The following ELMOD1 variants were observed in gnomAD, a reference collection of about 807,000 sequenced individuals.
ELMOD1 encodes the protein ELMO domain containing 1.
ELMOD1 carries 21 observed loss-of-function variants against 46.7 expected under a neutral mutation model. The observed-to-expected ratio is 0.45, with a 90% confidence interval of 0.32 to 0.65. The LOEUF (loss-of-function observed/expected upper bound fraction) is 0.65. Among genes scored for constraint, ELMOD1 ranks in the 30% least tolerant of loss-of-function variants. ELMOD1 has a pLI of 0.04. For missense variants in ELMOD1, 348 were observed against 407.8 expected, an observed-to-expected ratio of 0.85 and a Z score of 1.26; for synonymous variants, 122 against 138.2, an observed-to-expected ratio of 0.88 and a Z score of 0.82.
chr11:107,638,327 G>A (rs1456459464), intron 6 of ELMOD1, among the ~76,000 whole-genome samples: 1 of 152,202 alleles, frequency 6.6e-6, no homozygotes, highest in East Asian at 1.9e-4. Flanking sequence ...TTTAGTATGT[G>A]CCAATTGTTA....
rs551200149 is a variant in ELMOD1 at position 107,627,466 on chromosome 11, GT to G, written c.18-2943del. On this transcript the variant is annotated intron_variant, in intron 2 of 11. Transcript: ENST00000265840. ...TGACAGTATGAGCATCATCAAGGAAGTTTTTTTTAAAAGATAAAAGCAAATA... is the reference window on the plus strand; with the variant it reads ...TGACAGTATGAGCATCATCAAGGAAGTTTTTTTAAAAGATAAAAGCAAATA... Among the ~76,000 whole-genome samples the G allele has an allele frequency of 1.6e-3, 237 of 152,094 alleles. 1 individual carries two copies. Among genetic ancestry groups the G allele is most frequent in the African/African-American group, 5.4e-3 (225 of 41,520 alleles).
chr11:107,644,773 C>T (rs190564816), intron 6 of ELMOD1, among the ~76,000 whole-genome samples: 1 of 152,236 alleles, frequency 6.6e-6, no homozygotes, highest in Admixed American at 6.5e-5. Flanking sequence ...CGCACCCAGC[C>T]AAAACAATAT....
intron 1 of ELMOD1, chr11:107,592,785 T>C (rs611085): frequency 0.12 from 19,234 of 161,322 alleles, 1,448 homozygotes; most frequent in African/African-American, 0.22. Flanking sequence ...CTGGAACAGG[T>C]TGTAGGGCGT....
chr11:107,640,207 A>G (rs1288752951), intron 6 of ELMOD1, among the ~76,000 whole-genome samples: 1 of 152,162 alleles, frequency 6.6e-6, no homozygotes, highest in Non-Finnish European at 1.5e-5. Context: ...AGATAATTGT[A>G]CTTCATATAA....
intron 1 of ELMOD1, among the ~76,000 whole-genome samples, chr11:107,596,823 A>G (rs1318529819): frequency 1.3e-5 from 2 of 152,148 alleles, no homozygotes; most frequent in South Asian, 2.1e-4. Flanking sequence ...TTACTTCACT[A>G]AAGAGTTTTA....
chr11:107,615,227 A>ATTTT (rs1361963532), intron 1 of ELMOD1, among the ~76,000 whole-genome samples: 1 of 113,694 alleles, frequency 8.8e-6, no homozygotes, highest in South Asian at 3.0e-4. Flanking sequence ...TGTTGTCAGC[A>ATTTT]TCTTTTTTTT....
At chr11:107,656,504 A>G (rs1393385790) in intron 11 of ELMOD1, among the ~76,000 whole-genome samples, 1 of 150,506 alleles carries the variant, frequency 6.6e-6, no homozygotes, top group Non-Finnish European at 1.5e-5. Flanking sequence ...AGAGAAAGAG[A>G]AAGAGAGAGA....
At chr11:107,617,136 A>G (rs1490821345) in intron 1 of ELMOD1, among the ~76,000 whole-genome samples, 1 of 152,214 alleles carries the variant, frequency 6.6e-6, no homozygotes, top group African/African-American at 2.4e-5. Flanking sequence ...CCCAAAAGCA[A>G]CCACAGTCTT....
intron 6 of ELMOD1, among the ~76,000 whole-genome samples, chr11:107,639,560 G>C (rs1866284212): frequency 6.6e-6 from 1 of 152,144 alleles, no homozygotes; most frequent in Non-Finnish European, 1.5e-5. Context: ...CTCCTTGAAT[G>C]CTCTGGCTCG....
chr11:107,592,637 C>G (rs1865423305), intron 1 of ELMOD1: 1 of 296,658 alleles, frequency 3.4e-6, no homozygotes, highest in Non-Finnish European at 6.8e-6. Flanking sequence ...GCCAAAGGCA[C>G]ACTCTTGTAT....
intron 6 of ELMOD1, among the ~76,000 whole-genome samples, chr11:107,640,858 A>G (rs1465981188): frequency 6.6e-6 from 1 of 152,216 alleles, no homozygotes; most frequent in Non-Finnish European, 1.5e-5. Flanking sequence ...AACAAAGTCC[A>G]GCAAATGTAT....
At chr11:107,649,081 T>C (rs1866481495) in intron 7 of ELMOD1, among the ~76,000 whole-genome samples, 1 of 152,134 alleles carries the variant, frequency 6.6e-6, no homozygotes, top group African/African-American at 2.4e-5. Flanking sequence ...CATTCTTTTA[T>C]GAAACATTTT....
intron 1 of ELMOD1, among the ~76,000 whole-genome samples, chr11:107,605,345 G>A (rs922269798): frequency 3.3e-5 from 5 of 151,980 alleles, no homozygotes; most frequent in Non-Finnish European, 4.4e-5. Context: ...GACTACAGGC[G>A]CATGCCACCA....
In ELMOD1 at chr11:107,606,266, T is replaced by C. The variant is rs77056570; in HGVS notation, c.-85-11839T>C. ...ATTCAAACCTAAGTGAATCTGATAC[T>C]TGGCCCATCTGATTTCAGAAGACTG... is the stretch of plus-strand genomic sequence containing the variant. On this transcript the variant is annotated intron_variant, in intron 1 of 11. Coordinates refer to ENST00000265840, the MANE Select transcript of ELMOD1 (RefSeq NM_018712.4). Among the ~76,000 whole-genome samples the C allele has an allele frequency of 8.5e-3, 1,293 of 152,336 alleles. 6 individuals are homozygous for C. Among genetic ancestry groups the C allele is most frequent in the Non-Finnish European group, 0.014 (949 of 68,038 alleles).
chr11:107,642,557 G>C (rs917008716), intron 6 of ELMOD1, among the ~76,000 whole-genome samples: 2 of 152,004 alleles, frequency 1.3e-5, no homozygotes, highest in African/African-American at 2.4e-5. Flanking sequence ...TTTTAGTAGA[G>C]ACGGGGTTTC....
At chr11:107,610,998 C>CAAAAAAAAAAA (rs58417281) in intron 1 of ELMOD1, among the ~76,000 whole-genome samples, 24 of 95,728 alleles carry the variant, frequency 2.5e-4, no homozygotes, top group South Asian at 3.7e-4. Context: ...TGTAAGAATC[C>CAAAAAAAAAAA]AAAAAAAAAA....
intron 1 of ELMOD1, among the ~76,000 whole-genome samples, chr11:107,609,465 T>C (rs186486126): frequency 2.0e-4 from 30 of 152,302 alleles, no homozygotes; most frequent in African/African-American, 6.7e-4. Context: ...CATCTAGGGA[T>C]TTCAAGATTT....
At position 107,665,353 on chromosome 11, in the gene ELMOD1, C is replaced by G; in HGVS notation, c.*156C>G. 1.4e-6 allele frequency: 1 copy of G among 732,900 alleles called. No homozygotes were observed. The highest frequency in any genetic ancestry group is 2.6e-5 in the East Asian group (1 of 38,720). 45.4% of individuals were successfully genotyped at this position (732,900 alleles called of 1,614,324 possible). On this transcript the variant is annotated 3_prime_UTR_variant, in exon 12 of 12. Coordinates refer to ENST00000265840, the MANE Select transcript of ELMOD1 (RefSeq NM_018712.4). ...ATCTCTTGGTCATAATTCCGAGATC[C>G]CCAGAGACCACTGTTTCTGGAGTAT...
At chr11:107,594,426 A>G (rs1270004829) in intron 1 of ELMOD1, among the ~76,000 whole-genome samples, 1 of 152,156 alleles carries the variant, frequency 6.6e-6, no homozygotes, top group Admixed American at 6.5e-5. Context: ...ATAGTTGCCA[A>G]TGGGAATGGA....
Sources: allele counts gnomAD v4.1 joint callset (sites outside exome capture counted in the v4.1 genomes callset), GRCh38; gene constraint gnomAD v4.1.1; transcripts MANE v1.5; gene names NCBI Gene and HGNC (gene_info 2026-07-23, HGNC 2026-07-21).